Variants in SLC6A4 observed in about 807,000 individuals in gnomAD.
SLC6A4 encodes sodium-dependent serotonin transporter.
In SLC6A4, 22 loss-of-function variants were observed where a neutral mutation model predicts 73.4. The ratio of observed to expected loss-of-function variants is 0.30; its 90% CI spans 0.21 to 0.43. SLC6A4 has a LOEUF of 0.43. Ranked by LOEUF, SLC6A4 falls within the 20% of genes least tolerant of loss-of-function variation. SLC6A4 has a pLI of 1.00. For synonymous variants in SLC6A4, 270 were observed against 315.5 expected (o/e 0.86, Z 1.53); for missense variants, 593 against 808.5 (o/e 0.73, Z 3.23).
chr17:30,209,076 C>A (rs1160543179), intron 12 of SLC6A4, 67 bp downstream of exon 12: 2 of 1,096,074 alleles, frequency 1.8e-6, no homozygotes, highest in Non-Finnish European at 1.4e-6. Flanking sequence ...TTGGTGAAAT[C>A]AGCCCTTTGC....
intron 1 of SLC6A4, among the ~76,000 whole-genome samples, chr17:30,227,475 T>TTG (rs377239184): frequency 3.8e-3 from 579 of 150,784 alleles, no homozygotes; most frequent in Middle Eastern, 0.014. Context: ...GTGTGTGTGT[T>TTG]TGTGTGTGTG....
chr17:30,233,623 G>A (rs1907182307), intron 1 of SLC6A4, among the ~76,000 whole-genome samples: 1 of 152,176 alleles, frequency 6.6e-6, no homozygotes, highest in Admixed American at 6.5e-5. Flanking sequence ...GTGTTAGGCA[G>A]TCCTCTCCAC....
chr17:30,209,019 C>T, intron 12 of SLC6A4, 124 bp downstream of exon 12: 2 of 639,854 alleles, frequency 3.1e-6, no homozygotes, highest in African/African-American at 1.8e-5. Context: ...TTTTACAGAC[C>T]CATCATCGGG....
At chr17:30,221,540 C>T (rs1906756627) in intron 3 of SLC6A4, 76 bp downstream of exon 3, 1 of 1,357,704 alleles carries the variant, frequency 7.4e-7, no homozygotes, top group African/African-American at 1.4e-5. Flanking sequence ...GGTCACAGCC[C>T]ACCCCGGGTC....
chr17:30,194,425 CTT>C lies in SLC6A4; in HGVS notation c.*4029_*4030del, dbSNP rs905580124. ...CTGTATGAATTTTAGAAAGGGGACTCTTTTATACAAATAAATTTAGGTTTAAT... is the reference window on the plus strand; with the variant it reads ...CTGTATGAATTTTAGAAAGGGGACTCTTATACAAATAAATTTAGGTTTAAT... On this transcript the variant is annotated 3_prime_UTR_variant, in exon 15 of 15. Coordinates refer to ENST00000650711, the MANE Select transcript of SLC6A4 (RefSeq NM_001045.6). The C allele has an allele frequency of 2.0e-5, 3 of 151,840 alleles. No homozygotes were observed. Among genetic ancestry groups the C allele is most frequent in the Non-Finnish European group, 2.9e-5 (2 of 67,944 alleles). The allele number at this position is 151,840 out of a possible 1,614,324, so 9.4% of individuals were successfully genotyped here. A position where few individuals can be genotyped will look rare whatever the true frequency, so the allele number is the denominator to read the frequency against.
intron 1 of SLC6A4, among the ~76,000 whole-genome samples, chr17:30,229,250 G>A (rs545654120): frequency 2.2e-4 from 33 of 152,296 alleles, no homozygotes; most frequent in African/African-American, 7.2e-4. Context: ...ACCCATCAGC[G>A]GTCTGGGCTC....
At chr17:30,216,843 T>TGTTTG (rs1018288559) in intron 6 of SLC6A4, among the ~76,000 whole-genome samples, 1 of 148,392 alleles carries the variant, frequency 6.7e-6, no homozygotes, top group African/African-American at 2.6e-5. Flanking sequence ...TATTGTTTTT[T>TGTTTG]TTTGTTTGTT....
chr17:30,208,056 A>G (rs1444880682), intron 12 of SLC6A4, among the ~76,000 whole-genome samples: 4 of 152,030 alleles, frequency 2.6e-5, no homozygotes, highest in African/African-American at 9.7e-5. Flanking sequence ...GGGCTGGGGG[A>G]CTTGTCACAA....
At chr17:30,220,718 C>T (rs539782507) in intron 3 of SLC6A4, among the ~76,000 whole-genome samples, 1 of 152,176 alleles carries the variant, frequency 6.6e-6, no homozygotes, top group Non-Finnish European at 1.5e-5. Flanking sequence ...GGCCTACCCT[C>T]GTGGACTCTT....
chr17:30,199,296 C>A (rs1905956331), intron 14 of SLC6A4, among the ~76,000 whole-genome samples: 1 of 148,932 alleles, frequency 6.7e-6, no homozygotes, highest in Non-Finnish European at 1.5e-5. Flanking sequence ...TGGCAAAAAG[C>A]AGCTCAGGGA....
chr17:30,200,479 G>A (rs886313807), intron 14 of SLC6A4, among the ~76,000 whole-genome samples: 7 of 152,164 alleles, frequency 4.6e-5, no homozygotes, highest in Non-Finnish European at 8.8e-5. Flanking sequence ...GACTCCAACC[G>A]CAAGACTTCC....
Position 30,198,521 on chromosome 17 carries a change from T to A in SLC6A4, c.1828A>T (p.Lys610Ter). ...TPGTFKERII[K>*]SITPETPTEI... The stretch of plus-strand genomic sequence containing the variant: ...GTTGGTGTTTCTGGGGTAATACTTT[T>A]AATAATACGCTATTGGGAAGAAAAT... The change falls in exon 15 of 15, where the codon AAA becomes TAA. Residue 610 changes from lysine (K) to a stop codon, truncating the protein, a stop_gained. Coordinates refer to ENST00000650711, the MANE Select transcript of SLC6A4 (RefSeq NM_001045.6). LOFTEE classifies it high-confidence loss of function. 1 of 1,580,916 alleles carries A rather than the reference T, an allele frequency of 6.3e-7. No homozygotes were observed. The highest frequency in any genetic ancestry group is 8.7e-7 in the Non-Finnish European group (1 of 1,150,370).
intron 14 of SLC6A4, among the ~76,000 whole-genome samples, chr17:30,200,392 A>G (rs1332202758): frequency 6.6e-6 from 1 of 152,254 alleles, no homozygotes; most frequent in Non-Finnish European, 1.5e-5. Flanking sequence ...ATAAACGTGT[A>G]CTCATTAGGG....
At position 30,209,171 on chromosome 17, in the gene SLC6A4, G is replaced by T. The variant is rs201604736; in HGVS notation, c.1521C>A (p.Ile507=). Residue 507 remains isoleucine, a synonymous_variant, in exon 12 of 15, where the codon ATC becomes ATA. Transcript: ENST00000650711. Reference sequence around the variant, plus strand: ...AGAACCAAGACACAGCGACTGCTTCGATCAGCGCGACAGTGAGCACTGCGG... The same window carrying T: ...AGAACCAAGACACAGCGACTGCTTCTATCAGCGCGACAGTGAGCACTGCGG... ...TGPAVLTVAL[I]EAVAVSWFYG... The T allele has an allele frequency of 5.0e-6, 8 of 1,613,522 alleles. No individual in the cohort carries two copies. The Admixed American group carries it at 1.0e-4, about 20-fold the overall frequency.
intron 13 of SLC6A4, chr17:30,204,171 A>G (rs1009484667): frequency 2.6e-5 from 4 of 152,260 alleles, no homozygotes; most frequent in African/African-American, 9.6e-5. Flanking sequence ...TTTGGTTTCC[A>G]GATTTTGCCT....
intron 3 of SLC6A4, among the ~76,000 whole-genome samples, 174 bp downstream of exon 3, chr17:30,221,442 A>G (rs1906749348): frequency 7.2e-6 from 1 of 139,552 alleles, no homozygotes; most frequent in Admixed American, 7.0e-5. Context: ...GTCACAGCCC[A>G]CCCGGGTCAC....
At chr17:30,234,952 A>G (rs1907223955) in intron 1 of SLC6A4, among the ~76,000 whole-genome samples, 1 of 152,180 alleles carries the variant, frequency 6.6e-6, no homozygotes, top group African/African-American at 2.4e-5. Flanking sequence ...TTCAAGAACA[A>G]GTTTGAATGT....
At chr17:30,224,947 TG>T (rs1476390477) in intron 1 of SLC6A4, among the ~76,000 whole-genome samples, 2 of 152,190 alleles carry the variant, frequency 1.3e-5, no homozygotes, top group East Asian at 3.8e-4. Context: ...TGTTTCTATT[TG>T]TGTTCTGAGC....
At position 30,210,569 on chromosome 17, in the gene SLC6A4, G is replaced by GA; in HGVS notation, c.1394dup (p.Val466ArgfsTer104). ...AGCAGGTGATGACCACGGCGAGCAC[G>GA]AACCGCTCCCGGCGCTTGGCCCAGA... On this transcript the variant is annotated frameshift_variant, in exon 11 of 15. Coordinates refer to ENST00000650711, the MANE Select transcript of SLC6A4 (RefSeq NM_001045.6). LOFTEE classifies it high-confidence loss of function. 1 of 1,613,878 alleles carries GA rather than the reference G, an allele frequency of 6.2e-7. No individual in the cohort carries two copies.
Sources: allele counts gnomAD v4.1 joint callset (sites outside exome capture counted in the v4.1 genomes callset), GRCh38; gene constraint gnomAD v4.1.1; transcripts MANE v1.5; gene names NCBI Gene and HGNC (gene_info 2026-07-23, HGNC 2026-07-21).